KITLG: variants seen among roughly 807,000 people sequenced by gnomAD.
KITLG encodes KIT ligand, also known as c-Kit ligand.
In KITLG, 13 loss-of-function variants were observed where a neutral mutation model predicts 34.1. That is an observed-to-expected ratio of 0.38 (90% CI 0.25 to 0.61). The LOEUF (loss-of-function observed/expected upper bound fraction) is 0.61. Among genes scored for constraint, KITLG ranks in the 20% least tolerant of loss-of-function variants. The pLI, the probability that KITLG is intolerant of heterozygous loss-of-function variation, is 0.60. For synonymous variants in KITLG, 110 were observed against 104.0 expected, an observed-to-expected ratio of 1.06 and a Z score of -0.35; for missense variants, 292 against 318.9, an observed-to-expected ratio of 0.92 and a Z score of 0.64.
intron 5 of KITLG, 135 bp downstream of exon 5, chr12:88,516,199 T>G: frequency 2.7e-6 from 2 of 754,366 alleles, no homozygotes; most frequent in Non-Finnish European, 4.6e-6. Context: ...TCTTCTGTGC[T>G]ATTGATATCT....
intron 3 of KITLG, among the ~76,000 whole-genome samples, chr12:88,524,893 G>T (rs567369930): frequency 5.9e-5 from 9 of 152,116 alleles, no homozygotes; most frequent in African/African-American, 2.2e-4. Context: ...TTTGGCTGAC[G>T]TCTATTTTTA....
At chr12:88,522,285 T>C (rs1869697009) in intron 3 of KITLG, among the ~76,000 whole-genome samples, 1 of 152,122 alleles carries the variant, frequency 6.6e-6, no homozygotes, top group Non-Finnish European at 1.5e-5. Flanking sequence ...AAATAAACCA[T>C]GTGTTTTAAA....
intron 9 of KITLG, among the ~76,000 whole-genome samples, chr12:88,500,917 C>G (rs950297642): frequency 2.6e-5 from 4 of 152,126 alleles, no homozygotes; most frequent in Middle Eastern, 3.4e-3. Context: ...GTAGCTGAGA[C>G]CATAGGTGCA....
intron 2 of KITLG, among the ~76,000 whole-genome samples, chr12:88,539,040 C>T (rs977454464): frequency 5.3e-5 from 8 of 152,122 alleles, no homozygotes; most frequent in African/African-American, 1.4e-4. Flanking sequence ...GAAGTCTTTG[C>T]AAGCCAAACT....
intron 1 of KITLG, among the ~76,000 whole-genome samples, chr12:88,546,638 G>A (rs1035240660): frequency 2.0e-5 from 3 of 152,102 alleles, no homozygotes; most frequent in Non-Finnish European, 4.4e-5. Context: ...TATCTTTGTA[G>A]TATCTTCACA....
At chr12:88,499,092 C>G (rs1019309267) in intron 9 of KITLG, among the ~76,000 whole-genome samples, 5 of 151,984 alleles carry the variant, frequency 3.3e-5, no homozygotes, top group African/African-American at 1.2e-4. Flanking sequence ...TATCACTAAC[C>G]CTCATTACAC....
rs553808608 is a variant in KITLG at position 88,559,407 on chromosome 12, G to A, written c.16-13542C>T. On this transcript the variant is annotated intron_variant, in intron 1 of 9. Transcript: ENST00000644744. ...GCAGTAACAGCTTTCTGCACTGGCC[G>A]CAACATATTTACAGACTGTAGTGGA... 1.5e-4 allele frequency among the ~76,000 whole-genome samples: 23 copies of A among 152,300 alleles called. No homozygotes were observed. The East Asian group carries it at 1.7e-3, about 12-fold the overall frequency.
intron 6 of KITLG, among the ~76,000 whole-genome samples, chr12:88,513,205 T>C (rs1205279209): frequency 1.3e-5 from 2 of 151,694 alleles, no homozygotes; most frequent in South Asian, 2.1e-4. Flanking sequence ...AGTGCTACAA[T>C]AGTAACTCTA....
chr12:88,506,960 T>C (rs1311223745), intron 7 of KITLG, 68 bp downstream of exon 7: 1 of 909,482 alleles, frequency 1.1e-6, no homozygotes, highest in African/African-American at 1.6e-5. Context: ...GATCATTTCT[T>C]GAGGAAAAAA....
intron 7 of KITLG, 54 bp downstream of exon 7, chr12:88,506,974 T>C: frequency 1.0e-6 from 1 of 966,624 alleles, no homozygotes; most frequent in Admixed American, 1.7e-5. Flanking sequence ...GAAAAAAAGA[T>C]GATAATTTAT....
intron 9 of KITLG, among the ~76,000 whole-genome samples, chr12:88,504,806 T>G (rs1029009570): frequency 6.6e-6 from 1 of 152,148 alleles, no homozygotes; most frequent in Non-Finnish European, 1.5e-5. Context: ...CATGCTGCTC[T>G]AAAGACACAT....
At chr12:88,578,809 G>T (rs1375045098) in intron 1 of KITLG, among the ~76,000 whole-genome samples, 1 of 152,198 alleles carries the variant, frequency 6.6e-6, no homozygotes, top group African/African-American at 2.4e-5. Context: ...GCTACTATAA[G>T]AAGGAATAGG....
Sources: gnomAD v4.1 joint callset for allele counts (sites outside exome capture counted in the v4.1 genomes callset) on GRCh38, gnomAD v4.1.1 for gene constraint, MANE v1.5 for transcripts, NCBI Gene and HGNC (gene_info 2026-07-23, HGNC 2026-07-21) for gene names.